The following ATRNL1 variants were observed in gnomAD, a reference collection of about 807,000 sequenced individuals.
The protein encoded by ATRNL1 is attractin like 1.
ATRNL1 carries 95 observed loss-of-function variants against 182.7 expected under a neutral mutation model. The observed-to-expected ratio is 0.52, with a 90% CI of 0.44 to 0.62. The LOEUF (loss-of-function observed/expected upper bound fraction) is 0.62, where lower values mean the gene tolerates loss of function less well. Ranked by LOEUF, ATRNL1 falls within the 20% of genes least tolerant of loss-of-function variation. The probability of loss-of-function intolerance (pLI) is 0.00; values close to 1 mark genes in which losing one functional copy is unlikely to be tolerated. For synonymous variants in ATRNL1, 576 were observed against 568.3 expected (o/e 1.01, Z -0.19); for missense variants, 1,471 against 1,679.5 (o/e 0.88, Z 2.17).
At chr10:115,405,997 C>T (rs1272680426) in intron 20 of ATRNL1, among the ~76,000 whole-genome samples, 5 of 151,934 alleles carry the variant, frequency 3.3e-5, no homozygotes, top group Admixed American at 6.6e-5. Context: ...CTAGCTTCAT[C>T]CATGTCCCTA....
chr10:115,385,910 A>G (rs1858318990), intron 19 of ATRNL1, among the ~76,000 whole-genome samples: 1 of 152,158 alleles, frequency 6.6e-6, no homozygotes, highest in Non-Finnish European at 1.5e-5. Context: ...ATTCTGGTCC[A>G]TTGATCACTC....
chr10:115,184,662 G>C (rs1195691080), intron 8 of ATRNL1, among the ~76,000 whole-genome samples: 1 of 151,610 alleles, frequency 6.6e-6, no homozygotes, highest in Non-Finnish European at 1.5e-5. Context: ...TAAAAAAATA[G>C]TCTTGACTTA....
chr10:115,871,469 T>TATATATATATATATATATATATA (rs1951579875), intron 28 of ATRNL1, among the ~76,000 whole-genome samples: 2 of 140,316 alleles, frequency 1.4e-5, no homozygotes, highest in African/African-American at 5.3e-5. Flanking sequence ...GTCAGATTCT[T>TATATATATATATATATATATATA]TGTGTGTGTG....
intron 19 of ATRNL1, among the ~76,000 whole-genome samples, chr10:115,378,296 C>T (rs1289128723): frequency 6.6e-6 from 1 of 152,154 alleles, no homozygotes; most frequent in Non-Finnish European, 1.5e-5. Flanking sequence ...CAGTAACAGA[C>T]ACGCCCATCT....
At chr10:115,906,827 A>T (rs181000839) in intron 28 of ATRNL1, among the ~76,000 whole-genome samples, 40 of 152,036 alleles carry the variant, frequency 2.6e-4, no homozygotes, top group Middle Eastern at 3.4e-3. Context: ...ACTTTTTTTA[A>T]AAAAAAATCA....
At chr10:115,836,389 A>G (rs1346367542) in intron 27 of ATRNL1, among the ~76,000 whole-genome samples, 1 of 152,128 alleles carries the variant, frequency 6.6e-6, no homozygotes, top group Non-Finnish European at 1.5e-5. Context: ...GACTAGGGAG[A>G]CTGTATTAGC....
intron 27 of ATRNL1, among the ~76,000 whole-genome samples, chr10:115,749,772 C>A (rs1948395424): frequency 6.6e-6 from 1 of 151,878 alleles, no homozygotes; most frequent in Non-Finnish European, 1.5e-5. Flanking sequence ...TCATGCCAAA[C>A]ATCTTATCTC....
chr10:115,171,391 A>C (rs782667533), intron 8 of ATRNL1, 99 bp downstream of exon 8: 5 of 1,100,158 alleles, frequency 4.5e-6, no homozygotes, highest in Non-Finnish European at 5.0e-6. Context: ...GAGTTATTTG[A>C]GATTGAAATT....
intron 24 of ATRNL1, among the ~76,000 whole-genome samples, chr10:115,481,312 G>T (rs554851270): frequency 1.3e-5 from 2 of 150,532 alleles, no homozygotes; most frequent in South Asian, 4.2e-4. Flanking sequence ...AAAGAGCAAG[G>T]TGATGAATAT....
chr10:115,147,404 C>T (rs1200528733), intron 5 of ATRNL1, among the ~76,000 whole-genome samples: 1 of 152,024 alleles, frequency 6.6e-6, no homozygotes, highest in Non-Finnish European at 1.5e-5. Context: ...ATATTTTCTC[C>T]CATCCTGCAG....
At chr10:115,738,125 G>GTTTTTTTTTTGTTTTTTT (rs1565334914) in intron 27 of ATRNL1, among the ~76,000 whole-genome samples, 1 of 53,150 alleles carries the variant, frequency 1.9e-5, no homozygotes, top group African/African-American at 5.7e-5. Context: ...AGAAGATAAT[G>GTTTTTTTTTTGTTTTTTT]ATTTTTTTTT....
At chr10:115,734,280 ATC>A (rs1947886224) in intron 27 of ATRNL1, among the ~76,000 whole-genome samples, 1 of 152,132 alleles carries the variant, frequency 6.6e-6, no homozygotes, top group Non-Finnish European at 1.5e-5. Flanking sequence ...TGTTCACACT[ATC>A]TTTAGCAAAG....
chr10:115,440,923 A>G (rs1846640517), intron 21 of ATRNL1, among the ~76,000 whole-genome samples: 1 of 151,936 alleles, frequency 6.6e-6, no homozygotes. Flanking sequence ...TCAAACCTTT[A>G]TCTGCACCAG....
chr10:115,473,103 T>C (rs1388978079), intron 24 of ATRNL1, among the ~76,000 whole-genome samples: 1 of 151,326 alleles, frequency 6.6e-6, no homozygotes, highest in East Asian at 1.9e-4. Context: ...GAGATGATCA[T>C]ATAATTTTTG....
At chr10:115,896,304 A>G (rs547520439) in intron 28 of ATRNL1, among the ~76,000 whole-genome samples, 4 of 152,358 alleles carry the variant, frequency 2.6e-5, no homozygotes, top group Admixed American at 1.3e-4. Context: ...AAAATGATTT[A>G]AAGATATCAC....
chr10:115,269,295 A>T (rs978988632), intron 13 of ATRNL1, among the ~76,000 whole-genome samples: 4 of 152,118 alleles, frequency 2.6e-5, no homozygotes, highest in African/African-American at 7.2e-5. Context: ...GAAGGGAAAA[A>T]TTTTAAAAAG....
At chr10:115,334,517 AT>A in intron 19 of ATRNL1, 98 bp downstream of exon 19, 1 of 861,890 alleles carries the variant, frequency 1.2e-6, no homozygotes. Context: ...ACTACAGAAA[AT>A]TTTTTACTCA....
chr10:115,423,477 G>C lies in ATRNL1; in HGVS notation c.3270-2773G>C, dbSNP rs140723370. Among the ~76,000 whole-genome samples the C allele has an allele frequency of 3.1e-3, 479 of 152,250 alleles. 1 individual carries two copies. The highest frequency in any genetic ancestry group is 9.7e-3 in the African/African-American group (404 of 41,534). ...CAGGAGATGAAGGCTGCAGTGAGCT[G>C]AGATTGCACCACTGTATTCCAGCCT... On this transcript the variant is annotated intron_variant, in intron 20 of 28. Transcript: ENST00000355044.
At chr10:115,347,980 A>G (rs554725575) in intron 19 of ATRNL1, among the ~76,000 whole-genome samples, 1 of 152,060 alleles carries the variant, frequency 6.6e-6, no homozygotes, top group East Asian at 1.9e-4. Flanking sequence ...TTTTAACTTA[A>G]TTTTATTTTT....
Sources: allele counts gnomAD v4.1 joint callset (sites outside exome capture counted in the v4.1 genomes callset), GRCh38; gene constraint gnomAD v4.1.1; transcripts MANE v1.5; gene names NCBI Gene and HGNC (gene_info 2026-07-23, HGNC 2026-07-21).